The following SLC2A12 variants were observed in gnomAD, a reference collection of about 807,000 sequenced individuals.
SLC2A12 encodes the protein solute carrier family 2, facilitated glucose transporter member 12.
A neutral mutation model predicts 41.8 loss-of-function variants in SLC2A12; 23 were observed. The ratio of observed to expected loss-of-function variants is 0.55; its 90% CI spans 0.40 to 0.78. The LOEUF (loss-of-function observed/expected upper bound fraction) is 0.78, where lower values mean the gene tolerates loss of function less well. Among genes scored for constraint, SLC2A12 ranks in the 30% least tolerant of loss-of-function variants. The probability of loss-of-function intolerance (pLI) is 0.00; values close to 1 mark genes in which losing one functional copy is unlikely to be tolerated. For synonymous variants in SLC2A12, 295 were observed against 285.9 expected (o/e 1.03, Z -0.32); for missense variants, 654 against 745.6 (o/e 0.88, Z 1.43).
At chr6:134,007,991 A>T (rs146676628) in intron 2 of SLC2A12, among the ~76,000 whole-genome samples, 4 of 152,334 alleles carry the variant, frequency 2.6e-5, no homozygotes, top group African/African-American at 9.6e-5. Context: ...TAATAAATAC[A>T]TGTCAAGTGT....
In SLC2A12 at chr6:134,052,439, G is replaced by A; in HGVS notation, c.42C>T (p.Asn14=). 3 of 1,613,492 alleles carry A rather than the reference G, an allele frequency of 1.9e-6. No individual in the cohort carries two copies. Among genetic ancestry groups the A allele is most frequent in the Non-Finnish European group, 2.5e-6 (3 of 1,180,012 alleles). The change falls in exon 1 of 5, where the codon AAC becomes AAT. Residue 14 remains asparagine, a synonymous_variant. Coordinates refer to ENST00000275230, the MANE Select transcript of SLC2A12 (RefSeq NM_145176.3). ...CCGTCTCCACGGCTGTCCCCTTCTG[G>A]TTCAGCAGACTGGGGCCCTCGGTGT... ...VENTEGPSLL[N]QKGTAVETEG... is the part of the protein sequence containing the mutation.
intron 2 of SLC2A12, among the ~76,000 whole-genome samples, chr6:134,021,811 TG>T (rs2114461863): frequency 6.6e-6 from 1 of 152,012 alleles, no homozygotes; most frequent in South Asian, 2.1e-4. Context: ...AAAAATGGAG[TG>T]GATTCAAAGA....
At chr6:134,013,068 C>A (rs1180745612) in intron 2 of SLC2A12, among the ~76,000 whole-genome samples, 1 of 152,124 alleles carries the variant, frequency 6.6e-6, no homozygotes, top group Non-Finnish European at 1.5e-5. Flanking sequence ...TTTTACTCTA[C>A]TGTACTGCAT....
intron 4 of SLC2A12, among the ~76,000 whole-genome samples, chr6:133,991,655 T>A (rs765879567): frequency 1.4e-4 from 21 of 152,362 alleles, no homozygotes; most frequent in African/African-American, 1.9e-4. Context: ...TATATTTATA[T>A]CTCTTCTATC....
Position 134,029,408 on chromosome 6 carries a change from G to A in SLC2A12, c.417C>T (p.Ala139=). 1.2e-6 allele frequency: 2 copies of A among 1,614,128 alleles called. No individual in the cohort carries two copies. Among genetic ancestry groups the A allele is most frequent in the South Asian group, 2.2e-5 (2 of 91,088 alleles). The part of the protein sequence containing the change: ...SYTVLIVGRI[A]IGVSISLSSI... ...AAGAGAGGGAGATGGAGACCCCTAT[G>A]GCAATGCGTCCCACTATAAGAACCG... Residue 139 remains alanine (A), a synonymous_variant, in exon 2 of 5, where the codon GCC becomes GCT. Coordinates refer to ENST00000275230, the MANE Select transcript of SLC2A12 (RefSeq NM_145176.3).
chr6:134,007,177 G>A (rs1448133235), intron 2 of SLC2A12, among the ~76,000 whole-genome samples: 1 of 152,258 alleles, frequency 6.6e-6, no homozygotes, highest in African/African-American at 2.4e-5. Context: ...TGCATAGGGT[G>A]AGGGGCATGA....
intron 1 of SLC2A12, 66 bp from the exon 2 acceptor site, chr6:134,029,787 A>G: frequency 6.6e-7 from 1 of 1,514,500 alleles, no homozygotes; most frequent in Non-Finnish European, 8.8e-7. Flanking sequence ...TTTGTATTTG[A>G]GCGGAGATTT....
intron 1 of SLC2A12, among the ~76,000 whole-genome samples, chr6:134,038,867 G>C (rs566359523): frequency 5.7e-4 from 86 of 151,380 alleles, no homozygotes; most frequent in African/African-American, 2.0e-3. Flanking sequence ...ACCACGCCTG[G>C]CTAATTTTTA....
Position 134,029,065 on chromosome 6 carries a change from T to C in SLC2A12, c.760A>G (p.Lys254Glu). The stretch of plus-strand genomic sequence containing the variant: ...TGATATTCATCTTTCAGGGAGGATT[T>C]GATCACAGTGAGTTCCTCAGTTGTA... ...SDTTEELTVI[K>E]SSLKDEYQYS... The change falls in exon 2 of 5, where the codon AAA becomes GAA. Residue 254 changes from lysine to glutamate, a missense_variant. Around this residue, in one of 3 missense-constraint regions of SLC2A12, gnomAD observed 411 missense variants for 412.1 expected, o/e 1.00. Transcript: ENST00000275230. 2 of 1,614,250 alleles carry C rather than the reference T, an allele frequency of 1.2e-6. No homozygotes were observed. The highest frequency in any genetic ancestry group is 1.7e-6 in the Non-Finnish European group (2 of 1,180,038).
chr6:133,997,873 T>C (rs1328148094), intron 4 of SLC2A12, among the ~76,000 whole-genome samples: 1 of 152,246 alleles, frequency 6.6e-6, no homozygotes, highest in Non-Finnish European at 1.5e-5. Context: ...TCATGGTTTA[T>C]AGCTAGTAGG....
At chr6:134,047,522 C>T (rs578066701) in intron 1 of SLC2A12, among the ~76,000 whole-genome samples, 7 of 152,328 alleles carry the variant, frequency 4.6e-5, no homozygotes, top group African/African-American at 1.7e-4. Flanking sequence ...CAAATCTCAG[C>T]TTCCTTCGGC....
chr6:133,992,047 A>G (rs1377576827), intron 4 of SLC2A12, among the ~76,000 whole-genome samples: 1 of 152,220 alleles, frequency 6.6e-6, no homozygotes, highest in African/African-American at 2.4e-5. Flanking sequence ...TGATCAGAAA[A>G]TGGAATGAAG....
intron 1 of SLC2A12, among the ~76,000 whole-genome samples, chr6:134,030,682 T>C (rs973184171): frequency 2.6e-5 from 4 of 152,186 alleles, no homozygotes; most frequent in Admixed American, 6.5e-5. Flanking sequence ...AAAGTTCTCA[T>C]TATGTTTTAG....
chr6:134,002,790 A>G (rs229914), intron 3 of SLC2A12, among the ~76,000 whole-genome samples: 67,965 of 152,070 alleles, frequency 0.45, 15,410 homozygotes, highest in African/African-American at 0.52. Flanking sequence ...AAAAGCCATC[A>G]ACTTGCCAAG....
chr6:134,019,278 A>G (rs1011998993), intron 2 of SLC2A12, among the ~76,000 whole-genome samples: 67 of 152,372 alleles, frequency 4.4e-4, no homozygotes, highest in Non-Finnish European at 1.6e-4. Flanking sequence ...TTTCTACACA[A>G]GTGTCACCTC....
In SLC2A12 at chr6:133,988,280, C is replaced by T. The variant is rs1776566894; in HGVS notation, c.*2875G>A. 6.6e-6 allele frequency: 1 copy of T among 152,180 alleles called. No individual in the cohort carries two copies. Among genetic ancestry groups the T allele is most frequent in the African/African-American group, 2.4e-5 (1 of 41,456 alleles). 9.4% of individuals were successfully genotyped at this position (152,180 alleles called of 1,614,324 possible). On this transcript the variant is annotated 3_prime_UTR_variant, in exon 5 of 5. Transcript: ENST00000275230. ...CATTTATGAAACAGTGTCTCTGGCT[C>T]ACCCAGGAGCCCTGATGTGGTAATA...
intron 2 of SLC2A12, among the ~76,000 whole-genome samples, chr6:134,024,761 T>A (rs940059628): frequency 6.6e-6 from 1 of 152,214 alleles, no homozygotes; most frequent in Admixed American, 6.5e-5. Flanking sequence ...AAACCAGAAT[T>A]GAATAATGTA....
chr6:134,019,616 A>G (rs1777014530), intron 2 of SLC2A12, among the ~76,000 whole-genome samples: 1 of 152,244 alleles, frequency 6.6e-6, no homozygotes, highest in African/African-American at 2.4e-5. Flanking sequence ...AATATTAGCT[A>G]CAGAAAAATG....
intron 4 of SLC2A12, among the ~76,000 whole-genome samples, chr6:133,992,882 T>G (rs1776641464): frequency 6.6e-6 from 1 of 152,172 alleles, no homozygotes; most frequent in Admixed American, 6.5e-5. Context: ...GGCATGACCA[T>G]CCTGCTTTTC....
Sources: gnomAD v4.1 joint callset for allele counts (sites outside exome capture counted in the v4.1 genomes callset) on GRCh38, gnomAD v4.1.1 for gene constraint, gnomAD v4.1.1 regional missense constraint, MANE v1.5 for transcripts, NCBI Gene and HGNC (gene_info 2026-07-23, HGNC 2026-07-21) for gene names.